Variants in NCKAP5 observed in about 807,000 individuals in gnomAD.
The protein encoded by NCKAP5 is NCK associated protein 5.
In NCKAP5, 92 loss-of-function variants were observed where a neutral mutation model predicts 167.0. The ratio of observed to expected loss-of-function variants is 0.55; its 90% CI spans 0.47 to 0.66. NCKAP5 has a LOEUF of 0.66. Ranked by LOEUF, NCKAP5 falls within the 30% of genes least tolerant of loss-of-function variation. The pLI is 0.00. For synonymous variants in NCKAP5, 891 were observed against 877.4 expected (o/e 1.02, Z -0.27); for missense variants, 2,378 against 2,315.0 (o/e 1.03, Z -0.56).
chr2:133,550,028 T>C (rs1249434119), intron 2 of NCKAP5, among the ~76,000 whole-genome samples: 2 of 150,888 alleles, frequency 1.3e-5, no homozygotes, highest in African/African-American at 2.5e-5. Context: ...ACACATACAT[T>C]CTCCCAAGAC....
intron 3 of NCKAP5, among the ~76,000 whole-genome samples, chr2:133,347,752 G>A (rs911154658): frequency 6.6e-6 from 1 of 152,026 alleles, no homozygotes; most frequent in Non-Finnish European, 1.5e-5. Flanking sequence ...CCCTCTGGGA[G>A]AATTCACCAA....
Position 133,132,485 on chromosome 2 carries a change from A to AG in NCKAP5, c.208-2375_208-2374insC, listed in dbSNP as rs1205417123. 2.5e-4 allele frequency among the ~76,000 whole-genome samples: 36 copies of AG among 143,016 alleles called. 1 individual carries two copies. The highest frequency in any genetic ancestry group is 9.5e-4 in the African/African-American group (36 of 37,850). The allele number at this position is 143,016 out of a possible 152,430, so 93.8% of individuals were successfully genotyped here. A position where few individuals can be genotyped will look rare whatever the true frequency, so the allele number is the denominator to read the frequency against. On this transcript the variant is annotated intron_variant, in intron 5 of 19. Coordinates refer to ENST00000409261, the MANE Select transcript of NCKAP5 (RefSeq NM_207363.3). ...TTTTAAAACATGAAAAAAAAAGCAC[A>AG]CACACACACACACACACACACACAC...
chr2:133,549,924 G>A (rs1466932165), intron 2 of NCKAP5, among the ~76,000 whole-genome samples: 18 of 139,302 alleles, frequency 1.3e-4, no homozygotes, highest in East Asian at 4.3e-4. Flanking sequence ...TATCACCACC[G>A]ATCCCACAGA....
intron 3 of NCKAP5, among the ~76,000 whole-genome samples, chr2:133,402,612 C>T (rs573342719): frequency 8.5e-5 from 13 of 152,200 alleles, no homozygotes; most frequent in Non-Finnish European, 1.3e-4. Flanking sequence ...GCTGTCCTCA[C>T]GATAATGAGT....
chr2:133,485,657 C>T (rs542336670), intron 3 of NCKAP5, among the ~76,000 whole-genome samples: 15 of 152,264 alleles, frequency 9.9e-5, no homozygotes, highest in African/African-American at 3.4e-4. Context: ...GAACTATTAA[C>T]TCAGCCCTTC....
chr2:132,791,226 C>G (rs1684043064), intron 12 of NCKAP5, among the ~76,000 whole-genome samples: 1 of 152,222 alleles, frequency 6.6e-6, no homozygotes, highest in Admixed American at 6.5e-5. Flanking sequence ...TGCTACCTCA[C>G]AGGAAGCCAA....
In NCKAP5 at chr2:132,673,208, A is replaced by G. The variant is rs1458862389; in HGVS notation, c.*81T>C. 5.6e-6 allele frequency: 8 copies of G among 1,428,104 alleles called. No homozygotes were observed. The highest frequency in any genetic ancestry group is 6.5e-5 in the Admixed American group (2 of 30,986). 88.5% of individuals were successfully genotyped at this position (1,428,104 alleles called of 1,614,324 possible). A position where few individuals can be genotyped will look rare whatever the true frequency, so the allele number is the denominator to read the frequency against. On this transcript the variant is annotated 3_prime_UTR_variant, in exon 20 of 20. Coordinates refer to ENST00000409261, the MANE Select transcript of NCKAP5 (RefSeq NM_207363.3). Reference sequence around the variant, plus strand: ...AGAGTTCTTCTCTTTTTCTAATAAAATCACAGTATTGCTGTTAAATTTATT... The same window carrying G: ...AGAGTTCTTCTCTTTTTCTAATAAAGTCACAGTATTGCTGTTAAATTTATT...
At chr2:133,452,676 T>A (rs1356553970) in intron 3 of NCKAP5, among the ~76,000 whole-genome samples, 1 of 152,164 alleles carries the variant, frequency 6.6e-6, no homozygotes, top group Non-Finnish European at 1.5e-5. Flanking sequence ...AGCAGCAGTG[T>A]GAAATCAATC....
chr2:133,464,272 T>C (rs1692394176), intron 3 of NCKAP5, among the ~76,000 whole-genome samples: 1 of 152,222 alleles, frequency 6.6e-6, no homozygotes, highest in East Asian at 1.9e-4. Flanking sequence ...ACCTTTTCAC[T>C]TAAAGGAAGT....
At chr2:133,015,811 G>T (rs2078313627) in intron 6 of NCKAP5, among the ~76,000 whole-genome samples, 1 of 152,202 alleles carries the variant, frequency 6.6e-6, no homozygotes, top group Non-Finnish European at 1.5e-5. Flanking sequence ...GAAAGAGGTA[G>T]CTAGACTGTG....
At chr2:133,263,124 T>C (rs970050345) in intron 4 of NCKAP5, among the ~76,000 whole-genome samples, 1 of 151,940 alleles carries the variant, frequency 6.6e-6, no homozygotes, top group South Asian at 2.1e-4. Flanking sequence ...ACTTCCCAAA[T>C]AGATCTACAT....
intron 3 of NCKAP5, among the ~76,000 whole-genome samples, chr2:133,472,844 G>T (rs1215401646): frequency 6.6e-6 from 1 of 151,964 alleles, no homozygotes; most frequent in Non-Finnish European, 1.5e-5. Context: ...TATCCAATAG[G>T]CATCAAGTCC....
At chr2:133,549,764 A>C (rs1687109102) in intron 2 of NCKAP5, among the ~76,000 whole-genome samples, 1 of 150,512 alleles carries the variant, frequency 6.6e-6, no homozygotes, top group Non-Finnish European at 1.5e-5. Context: ...ACTGAAGGAA[A>C]TAGAGACACA....
chr2:133,177,310 C>T (rs187738104), intron 5 of NCKAP5, among the ~76,000 whole-genome samples: 25 of 151,690 alleles, frequency 1.6e-4, no homozygotes, highest in East Asian at 9.7e-4. Context: ...GAAAAGAAAA[C>T]GAAAAAAGGA....
At chr2:132,686,843 G>A (rs779820730) in intron 19 of NCKAP5, among the ~76,000 whole-genome samples, 1 of 152,092 alleles carries the variant, frequency 6.6e-6, no homozygotes, top group African/African-American at 2.4e-5. Flanking sequence ...AAGTAAACAG[G>A]AAAATAGACT....
intron 3 of NCKAP5, among the ~76,000 whole-genome samples, chr2:133,406,153 C>A (rs1256925961): frequency 6.6e-6 from 1 of 152,184 alleles, no homozygotes; most frequent in African/African-American, 2.4e-5. Context: ...TTGGAAGCAT[C>A]CCTGGAACAG....
intron 5 of NCKAP5, among the ~76,000 whole-genome samples, chr2:133,184,671 A>C (rs1327917951): frequency 6.6e-6 from 1 of 152,136 alleles, no homozygotes; most frequent in African/African-American, 2.4e-5. Flanking sequence ...GACTGGTGTG[A>C]GATGGTATCT....
Position 132,775,441 on chromosome 2 carries a change from G to A in NCKAP5, c.5050-1547C>T, listed in dbSNP as rs1434774371. ...CACTGGCAAGGACAGATCGTTAAGC[G>A]TTCAGTATCAAGAGGCCATGCTTCA... On this transcript the variant is annotated intron_variant, in intron 15 of 19. Coordinates refer to ENST00000409261, the MANE Select transcript of NCKAP5 (RefSeq NM_207363.3). 5.9e-5 allele frequency among the ~76,000 whole-genome samples: 9 copies of A among 152,304 alleles called. No individual in the cohort carries two copies. The East Asian group carries it at 1.7e-3, about 29-fold the overall frequency.
chr2:133,164,225 GA>G (rs552045301), intron 5 of NCKAP5, among the ~76,000 whole-genome samples: 4 of 152,168 alleles, frequency 2.6e-5, no homozygotes, highest in African/African-American at 9.6e-5. Context: ...CACACAAAAA[GA>G]AAAAAACCAA....
Sources: gnomAD v4.1 joint callset for allele counts (sites outside exome capture counted in the v4.1 genomes callset) on GRCh38, gnomAD v4.1.1 for gene constraint, MANE v1.5 for transcripts, NCBI Gene and HGNC (gene_info 2026-07-23, HGNC 2026-07-21) for gene names.